Variants in SLC22A16 observed in about 807,000 individuals in gnomAD.
SLC22A16 encodes WUGSC:RG331P03.1.
In SLC22A16, 53 loss-of-function variants were observed where a neutral mutation model predicts 52.9. That is an observed-to-expected ratio of 1.00 (90% CI 0.80 to 1.26). The LOEUF (loss-of-function observed/expected upper bound fraction) is 1.26. Among genes scored for constraint, SLC22A16 ranks in the 50% most tolerant of loss-of-function variants. The pLI, the probability that SLC22A16 is intolerant of heterozygous loss-of-function variation, is 0.00. For missense variants in SLC22A16, 726 were observed against 704.0 expected (o/e 1.03, Z -0.35); for synonymous variants, 291 against 268.8 (o/e 1.08, Z -0.81).
chr6:110,458,638 A>G (rs1416968054), intron 1 of SLC22A16, among the ~76,000 whole-genome samples: 1 of 152,206 alleles, frequency 6.6e-6, no homozygotes, highest in Non-Finnish European at 1.5e-5. Context: ...TGTGTCTGTG[A>G]GAGTGTCTCT....
intron 2 of SLC22A16, among the ~76,000 whole-genome samples, chr6:110,450,835 A>G (rs1436936708): frequency 6.6e-6 from 1 of 152,200 alleles, no homozygotes; most frequent in African/African-American, 2.4e-5. Flanking sequence ...AAGGCAAGAA[A>G]GAGATGATTG....
intron 1 of SLC22A16, among the ~76,000 whole-genome samples, chr6:110,460,086 G>A (rs140022852): frequency 2.6e-5 from 4 of 152,266 alleles, no homozygotes; most frequent in African/African-American, 9.6e-5. Context: ...AATAGGTCCT[G>A]TCCGATCAAA....
chr6:110,442,903 C>T, intron 3 of SLC22A16, 128 bp from the exon 4 acceptor site: 1 of 786,318 alleles, frequency 1.3e-6, no homozygotes, highest in South Asian at 2.0e-5. Context: ...AAACCCCTAT[C>T]AGATGTATAA....
intron 1 of SLC22A16, among the ~76,000 whole-genome samples, chr6:110,463,579 C>A (rs921637609): frequency 6.7e-4 from 84 of 125,224 alleles, no homozygotes; most frequent in African/African-American, 2.4e-3. Context: ...TCTAATTCAA[C>A]AAAAAGATTT....
At chr6:110,427,767 G>A (rs1326993330) in intron 7 of SLC22A16, among the ~76,000 whole-genome samples, 2 of 152,142 alleles carry the variant, frequency 1.3e-5, no homozygotes, top group Admixed American at 1.3e-4. Context: ...GAGCCACCGC[G>A]CCTGCCCTAC....
chr6:110,460,265 T>TA (rs1304649128), intron 1 of SLC22A16, among the ~76,000 whole-genome samples: 1 of 152,192 alleles, frequency 6.6e-6, no homozygotes, highest in Admixed American at 6.5e-5. Flanking sequence ...TCTATATTTT[T>TA]ACAAATTTTG....
intron 4 of SLC22A16, among the ~76,000 whole-genome samples, chr6:110,441,033 A>T (rs1362578291): frequency 6.6e-6 from 1 of 152,234 alleles, no homozygotes; most frequent in African/African-American, 2.4e-5. Context: ...GAAATCATTG[A>T]TGCTTTATGA....
intron 2 of SLC22A16, among the ~76,000 whole-genome samples, chr6:110,448,669 T>G (rs79075457): frequency 0.01 from 1,594 of 152,326 alleles, 28 homozygotes; most frequent in African/African-American, 0.037. Flanking sequence ...TACCTATCAC[T>G]GCTTGACCCT....
intron 1 of SLC22A16, chr6:110,476,275 G>A: frequency 8.1e-6 from 10 of 1,241,110 alleles, no homozygotes; most frequent in African/African-American, 1.5e-5. Context: ...CTCCTGCCCG[G>A]CAACAGGCGC....
In SLC22A16 at chr6:110,431,217, G is replaced by T. The variant is rs368955884; in HGVS notation, c.1475C>A (p.Ala492Glu). The stretch of plus-strand genomic sequence containing the variant: ...GCTGCTGAGGTCCACAGAGAACGGC[G>T]CCAGGATGCTGGCCAGGCGACACAC... Reference protein sequence around the residue: ...SMVCRLASILAPFSVDLSSIW... With the variant: ...SMVCRLASILEPFSVDLSSIW... The change falls in exon 7 of 8, where the codon GCG becomes GAG. Residue 492 changes from alanine (A) to glutamate (E), a missense_variant. Transcript: ENST00000368919. The T allele has an allele frequency of 1.2e-6, 2 of 1,613,692 alleles. No individual in the cohort carries two copies. Among genetic ancestry groups the T allele is most frequent in the Admixed American group, 3.3e-5 (2 of 60,028 alleles).
intron 1 of SLC22A16, among the ~76,000 whole-genome samples, chr6:110,469,265 A>G (rs1034464043): frequency 2.0e-5 from 3 of 152,210 alleles, no homozygotes; most frequent in African/African-American, 7.2e-5. Flanking sequence ...GCAGTGGCTC[A>G]TGCCTATAAT....
intron 5 of SLC22A16, among the ~76,000 whole-genome samples, chr6:110,437,059 T>C (rs946657345): frequency 6.6e-6 from 1 of 152,202 alleles, no homozygotes; most frequent in African/African-American, 2.4e-5. Flanking sequence ...CATGGAACTT[T>C]CTATGAGCAG....
At chr6:110,466,247 G>A (rs187432223) in intron 1 of SLC22A16, among the ~76,000 whole-genome samples, 39 of 152,188 alleles carry the variant, frequency 2.6e-4, no homozygotes, top group African/African-American at 8.7e-4. Flanking sequence ...TTATGACCAA[G>A]TCCTCAAAGG....
chr6:110,431,019 A>C, intron 7 of SLC22A16, 152 bp downstream of exon 7: 1 of 612,940 alleles, frequency 1.6e-6, no homozygotes. Context: ...CTACTCACCA[A>C]CTGGCCAGCT....
At chr6:110,467,175 C>CCT (rs1255719626) in intron 1 of SLC22A16, among the ~76,000 whole-genome samples, 3 of 151,944 alleles carry the variant, frequency 2.0e-5, no homozygotes, top group Non-Finnish European at 2.9e-5. Context: ...CTCTCATACT[C>CCT]CTCTCTCTCT....
Position 110,438,852 on chromosome 6 carries a change from C to A in SLC22A16, c.1184-5G>T. The A allele has an allele frequency of 1.2e-6, 2 of 1,613,730 alleles. No individual in the cohort carries two copies. The highest frequency in any genetic ancestry group is 2.2e-5 in the South Asian group (2 of 90,998). ...AGGCGGGAATTTCCACTACACCTGT[C>A]ATTGAGCAAGCAGCCCTCTATAAGT... is the stretch of plus-strand genomic sequence containing the variant. On this transcript the variant is annotated splice_region_variant and splice_polypyrimidine_tract_variant and intron_variant, in intron 4 of 7. Transcript: ENST00000368919.
chr6:110,475,020 T>G (rs749199687), intron 1 of SLC22A16: 6 of 518,146 alleles, frequency 1.2e-5, no homozygotes, highest in Non-Finnish European at 2.3e-5. Context: ...ATTTGTACTA[T>G]TATTAGCCCC....
intron 6 of SLC22A16, among the ~76,000 whole-genome samples, chr6:110,432,157 A>G (rs995206250): frequency 1.3e-5 from 2 of 152,230 alleles, no homozygotes; most frequent in Non-Finnish European, 2.9e-5. Context: ...CCAGTCACAC[A>G]CATTTATAAA....
At chr6:110,443,457 A>G (rs974617583) in intron 3 of SLC22A16, among the ~76,000 whole-genome samples, 2 of 152,194 alleles carry the variant, frequency 1.3e-5, no homozygotes, top group Non-Finnish European at 2.9e-5. Context: ...ATTTTTACCA[A>G]TCATTGAGAA....
Sources: gnomAD v4.1 joint callset for allele counts (sites outside exome capture counted in the v4.1 genomes callset) on GRCh38, gnomAD v4.1.1 for gene constraint, MANE v1.5 for transcripts, NCBI Gene and HGNC (gene_info 2026-07-23, HGNC 2026-07-21) for gene names.